The following RASA1 variants were observed in gnomAD, a reference collection of about 807,000 sequenced individuals.
RASA1 encodes the protein ras GTPase-activating protein 1.
In RASA1, 25 loss-of-function variants were observed where a neutral mutation model predicts 132.2. The ratio of observed to expected loss-of-function variants is 0.19; its 90% CI spans 0.14 to 0.26. The LOEUF is 0.26. RASA1 is among the 10% of genes least tolerant of loss of function. The pLI is 1.00. For synonymous variants in RASA1, 477 were observed against 449.9 expected (o/e 1.06, Z -0.76); for missense variants, 964 against 1,299.2 (o/e 0.74, Z 3.97).
At chr5:87,324,190 G>A (rs906125567) in intron 1 of RASA1, among the ~76,000 whole-genome samples, 1 of 152,178 alleles carries the variant, frequency 6.6e-6, no homozygotes, top group African/African-American at 2.4e-5. Flanking sequence ...AATTGATACT[G>A]TTTTGAGGAT....
At chr5:87,381,456 T>A (rs974859156) in intron 20 of RASA1, among the ~76,000 whole-genome samples, 1 of 152,238 alleles carries the variant, frequency 6.6e-6, no homozygotes, top group Non-Finnish European at 1.5e-5. Context: ...TTATTTAGAA[T>A]ATACACTGTC....
rs1760016600 is a variant in RASA1 at position 87,360,635 on chromosome 5, TAAGTA to T, written c.1333-1913_1333-1909del. 2.6e-5 allele frequency among the ~76,000 whole-genome samples: 4 copies of T among 152,186 alleles called. No homozygotes were observed. The South Asian group carries it at 8.3e-4, about 31-fold the overall frequency. On this transcript the variant is annotated intron_variant, in intron 9 of 24. Transcript: ENST00000274376. Reference sequence around the variant, plus strand: ...ATATTTGCCCATTCACAAATCATATTAAGTAAATTTTGATGTACATACAAAAATTT... The same window carrying T: ...ATATTTGCCCATTCACAAATCATATTAATTTTGATGTACATACAAAAATTT...
intron 5 of RASA1, among the ~76,000 whole-genome samples, chr5:87,338,730 T>G (rs1758218966): frequency 6.6e-6 from 1 of 151,078 alleles, no homozygotes; most frequent in African/African-American, 2.4e-5. Flanking sequence ...TAAGTGAAGT[T>G]ATATCAGTCT....
chr5:87,334,817 A>G (rs946215708), intron 4 of RASA1, among the ~76,000 whole-genome samples: 2 of 152,188 alleles, frequency 1.3e-5, no homozygotes, highest in Non-Finnish European at 2.9e-5. Flanking sequence ...TATGTATAAA[A>G]CACTTCTGCT....
At chr5:87,291,371 A>G (rs935171668) in intron 1 of RASA1, among the ~76,000 whole-genome samples, 2 of 152,100 alleles carry the variant, frequency 1.3e-5, no homozygotes, top group African/African-American at 2.4e-5. Context: ...TGTCTCTACA[A>G]AAAGAAAAAA....
chr5:87,274,736 A>C (rs1753992539), intron 1 of RASA1, among the ~76,000 whole-genome samples: 1 of 151,898 alleles, frequency 6.6e-6, no homozygotes, highest in Admixed American at 6.5e-5. Flanking sequence ...AATTAGGATC[A>C]GTAAATTCTT....
chr5:87,370,765 T>TA (rs1299392924), intron 12 of RASA1, among the ~76,000 whole-genome samples: 2 of 152,132 alleles, frequency 1.3e-5, no homozygotes, highest in African/African-American at 4.8e-5. Flanking sequence ...CGAAGGAACT[T>TA]AAAGGTGGTT....
At chr5:87,303,495 G>A (rs534899530) in intron 1 of RASA1, among the ~76,000 whole-genome samples, 20 of 151,926 alleles carry the variant, frequency 1.3e-4, no homozygotes, top group East Asian at 7.7e-4. Context: ...CTTCAGCTAC[G>A]TGTCACAAAT....
intron 9 of RASA1, among the ~76,000 whole-genome samples, chr5:87,353,604 G>A (rs1293936789): frequency 6.6e-6 from 1 of 151,886 alleles, no homozygotes; most frequent in Non-Finnish European, 1.5e-5. Flanking sequence ...GAGGATTAGG[G>A]CAAAAAATGG....
chr5:87,376,349 C>T (rs770652055), intron 15 of RASA1, 44 bp from the exon 16 acceptor site: 23 of 1,602,854 alleles, frequency 1.4e-5, no homozygotes, highest in Middle Eastern at 1.7e-4. Context: ...GACTAATTAT[C>T]GTGTTCTCTT....
intron 4 of RASA1, 50 bp downstream of exon 4, chr5:87,333,387 C>G (rs560490945): frequency 6.2e-7 from 1 of 1,602,346 alleles, no homozygotes; most frequent in East Asian, 2.2e-5. Flanking sequence ...AGCTAGACTT[C>G]GAAGATTTAT....
rs767369946 is a variant in RASA1 at position 87,363,337 on chromosome 5, T to G, written c.1454-11T>G. ...TTTGGCTAAGAGAAAACAATTTTTT[T>G]TTTTAAACAGGCAAAGGAAAACGTT... On this transcript the variant is annotated splice_polypyrimidine_tract_variant and intron_variant, in intron 10 of 24. Coordinates refer to ENST00000274376, the MANE Select transcript of RASA1 (RefSeq NM_002890.3). 6.3e-7 allele frequency: 1 copy of G among 1,597,762 alleles called. No homozygotes were observed.
chr5:87,338,622 T>C (rs2112390240), intron 5 of RASA1, among the ~76,000 whole-genome samples: 1 of 149,336 alleles, frequency 6.7e-6, no homozygotes, highest in South Asian at 2.1e-4. Flanking sequence ...TCCACCCGCC[T>C]TAGCCTCCCA....
intron 1 of RASA1, among the ~76,000 whole-genome samples, chr5:87,287,643 C>T (rs867648072): frequency 1.9e-4 from 27 of 143,388 alleles, no homozygotes; most frequent in African/African-American, 4.1e-4. Context: ...ATAGATATAC[C>T]ATATATATAC....
At chr5:87,306,849 C>T (rs1005030244) in intron 1 of RASA1, among the ~76,000 whole-genome samples, 3 of 152,102 alleles carry the variant, frequency 2.0e-5, no homozygotes, top group East Asian at 1.9e-4. Flanking sequence ...TGTATGTCTG[C>T]GTACCCTCCG....
intron 22 of RASA1, among the ~76,000 whole-genome samples, chr5:87,386,220 T>C (rs1762052034): frequency 6.6e-6 from 1 of 152,044 alleles, no homozygotes; most frequent in Non-Finnish European, 1.5e-5. Flanking sequence ...GAGGTCCTTA[T>C]CTCATTGAGT....
At chr5:87,269,313 T>G (rs745352170) in intron 1 of RASA1, 94 of 1,535,612 alleles carry the variant, frequency 6.1e-5, no homozygotes, top group Admixed American at 7.8e-5. Context: ...TTAGTCAAAC[T>G]GCGGCTACCA....
chr5:87,349,466 C>G (rs1329538639), intron 8 of RASA1, 102 bp downstream of exon 8: 1 of 1,354,610 alleles, frequency 7.4e-7, no homozygotes, highest in East Asian at 2.5e-5. Context: ...TTTCTAACTT[C>G]TAAAAATTAT....
rs80211112 is a variant in RASA1 at position 87,319,626 on chromosome 5, T to C, written c.540-11722T>C. Among the ~76,000 whole-genome samples, 1,154 of 152,284 alleles carry C rather than the reference T, an allele frequency of 7.6e-3. 18 individuals carry two copies. Among genetic ancestry groups the C allele is most frequent in the African/African-American group, 0.027 (1,115 of 41,544 alleles). On this transcript the variant is annotated intron_variant, in intron 1 of 24. Coordinates refer to ENST00000274376, the MANE Select transcript of RASA1 (RefSeq NM_002890.3). The stretch of plus-strand genomic sequence containing the variant: ...GATGCGGGGCACCAAGTCCCAAGGA[T>C]GCAGTTAGCAGCAGGGCTCTGGGAC...
Sources: gnomAD v4.1 joint callset for allele counts (sites outside exome capture counted in the v4.1 genomes callset) on GRCh38, gnomAD v4.1.1 for gene constraint, MANE v1.5 for transcripts, NCBI Gene and HGNC (gene_info 2026-07-23, HGNC 2026-07-21) for gene names.